ROS1: variants seen among roughly 807,000 people sequenced by gnomAD.
ROS1 encodes proto-oncogene tyrosine-protein kinase ROS.
Under a neutral mutation model 273.5 loss-of-function variants are expected in ROS1, and 263 were observed. That is an observed-to-expected ratio of 0.96 (90% CI 0.87 to 1.06). The LOEUF is 1.06. Ranked by LOEUF, ROS1 falls within the 50% of genes least tolerant of loss-of-function variation. The probability of loss-of-function intolerance (pLI) is 0.00; values close to 1 mark genes in which losing one functional copy is unlikely to be tolerated. For synonymous variants in ROS1, 1,008 were observed against 954.1 expected (o/e 1.06, Z -1.04); for missense variants, 2,833 against 2,751.1 (o/e 1.03, Z -0.67).
intron 42 of ROS1, among the ~76,000 whole-genome samples, chr6:117,307,009 A>C (rs537840458): frequency 6.6e-6 from 1 of 152,324 alleles, no homozygotes; most frequent in East Asian, 1.9e-4. Flanking sequence ...TTTTATTAAA[A>C]CAATGGCAAT....
chr6:117,394,511 G>T, intron 10 of ROS1, 105 bp downstream of exon 10: 1 of 949,424 alleles, frequency 1.1e-6, no homozygotes, highest in Non-Finnish European at 1.4e-6. Flanking sequence ...AGGATATTAA[G>T]AGAATATGTT....
At chr6:117,350,539 G>A (rs1778744883) in intron 27 of ROS1, among the ~76,000 whole-genome samples, 1 of 151,680 alleles carries the variant, frequency 6.6e-6, no homozygotes, top group Non-Finnish European at 1.5e-5. Flanking sequence ...TTAATTTGGG[G>A]AAATTATCAG....
intron 25 of ROS1, among the ~76,000 whole-genome samples, chr6:117,357,200 T>C (rs1779393487): frequency 6.6e-6 from 1 of 152,218 alleles, no homozygotes; most frequent in African/African-American, 2.4e-5. Flanking sequence ...ATAACTGAAA[T>C]ATAAAATATA....
At chr6:117,389,894 A>T in intron 12 of ROS1, 48 bp from the exon 13 acceptor site, 1 of 1,522,634 alleles carries the variant, frequency 6.6e-7, no homozygotes, top group Non-Finnish European at 8.9e-7. Context: ...CCAAAGGTTG[A>T]TGAGTAACCT....
intron 17 of ROS1, among the ~76,000 whole-genome samples, chr6:117,381,615 A>G (rs1025428839): frequency 1.3e-5 from 2 of 152,026 alleles, no homozygotes; most frequent in African/African-American, 4.8e-5. Context: ...GTGTATTTAT[A>G]CCACATTTTC....
chr6:117,318,226 C>G lies in ROS1; in HGVS notation c.5949G>C (p.Gln1983His), dbSNP rs139620900. ...CCTCCTTCAGGAATTCAATCTTCTC[C>G]TGGTCTGTGGAACCCTTCTTCAAAG... ...VKTLKKGSTDQEKIEFLKEAH... is the reference protein window; with the variant it reads ...VKTLKKGSTDHEKIEFLKEAH... Residue 1983 changes from glutamine to histidine, a missense_variant, in exon 38 of 44, where the codon CAG (glutamine) becomes CAC (histidine). Coordinates refer to ENST00000368507, the MANE Select transcript of ROS1 (RefSeq NM_001378902.1). 1 of 1,612,944 alleles carries G rather than the reference C, an allele frequency of 6.2e-7. No individual in the cohort carries two copies. The highest frequency in any genetic ancestry group is 1.7e-5 in the Admixed American group (1 of 59,894).
At chr6:117,404,471 A>T (rs1325486442) in intron 5 of ROS1, 43 bp from the exon 6 acceptor site, 1 of 1,596,496 alleles carries the variant, frequency 6.3e-7, no homozygotes, top group East Asian at 2.2e-5. Flanking sequence ...ACTCCTGTCC[A>T]TCAGCGCAAG....
intron 33 of ROS1, chr6:117,328,613 A>C: frequency 2.2e-6 from 1 of 458,546 alleles, no homozygotes; most frequent in Non-Finnish European, 4.3e-6. Context: ...TAATTATGGA[A>C]GTGACTTTTG....
intron 38 of ROS1, among the ~76,000 whole-genome samples, chr6:117,317,983 C>T (rs1776035005): frequency 6.6e-6 from 1 of 152,030 alleles, no homozygotes; most frequent in Admixed American, 6.6e-5. Flanking sequence ...GAAAGGAGAA[C>T]CTTTTGTCTG....
chr6:117,328,536 T>C (rs746290050), intron 33 of ROS1: 1 of 395,718 alleles, frequency 2.5e-6, no homozygotes, highest in East Asian at 4.1e-5. Flanking sequence ...GAACATTTTT[T>C]AAGGTTATGG....
chr6:117,352,309 ATTATGACTGTCAG>A (rs746364501), intron 27 of ROS1, among the ~76,000 whole-genome samples: 10 of 152,264 alleles, frequency 6.6e-5, no homozygotes, highest in Non-Finnish European at 1.0e-4. Context: ...ACAATGTTTT[ATTATGACTGTCAG>A]TAGAAAATAT....
At chr6:117,415,543 C>T (rs1238607254) in intron 3 of ROS1, among the ~76,000 whole-genome samples, 3 of 152,154 alleles carry the variant, frequency 2.0e-5, no homozygotes, top group African/African-American at 7.2e-5. Context: ...TACAACACGA[C>T]AGGCTCTATC....
chr6:117,408,415 G>A (rs542792563), intron 5 of ROS1, among the ~76,000 whole-genome samples: 2 of 152,192 alleles, frequency 1.3e-5, no homozygotes, highest in South Asian at 2.1e-4. Flanking sequence ...ATACGAACAG[G>A]CACTTCTCCA....
At chr6:117,372,838 G>C (rs1443152805) in intron 18 of ROS1, among the ~76,000 whole-genome samples, 1 of 152,190 alleles carries the variant, frequency 6.6e-6, no homozygotes, top group Non-Finnish European at 1.5e-5. Flanking sequence ...CTGTGGAAAA[G>C]GATCCATTCG....
chr6:117,323,651 A>G (rs1160080441), intron 35 of ROS1, among the ~76,000 whole-genome samples: 2 of 152,172 alleles, frequency 1.3e-5, no homozygotes, highest in Non-Finnish European at 2.9e-5. Context: ...GATAACTCTA[A>G]AAGTCCAATC....
intron 39 of ROS1, among the ~76,000 whole-genome samples, chr6:117,313,679 C>T (rs377652272): frequency 3.3e-5 from 5 of 152,028 alleles, no homozygotes; most frequent in Admixed American, 6.6e-5. Flanking sequence ...CTAAGCTTTC[C>T]GGGCCTAGCT....
intron 7 of ROS1, among the ~76,000 whole-genome samples, chr6:117,398,261 G>T (rs577098049): frequency 6.7e-6 from 1 of 148,558 alleles, no homozygotes; most frequent in African/African-American, 2.6e-5. Flanking sequence ...TCATTGTCCA[G>T]GTCTTCCCCA....
chr6:117,393,391 A>G (rs1773228520), intron 11 of ROS1, 70 bp from the exon 12 acceptor site: 1 of 948,618 alleles, frequency 1.1e-6, no homozygotes. Flanking sequence ...GCCAACAAGT[A>G]TCCCTGAGTA....
intron 42 of ROS1, among the ~76,000 whole-genome samples, chr6:117,307,955 T>A (rs1185893700): frequency 6.6e-6 from 1 of 152,186 alleles, no homozygotes; most frequent in East Asian, 1.9e-4. Context: ...TGTCTTTTCA[T>A]TCAAAACACA....
Sources: gnomAD v4.1 joint callset for allele counts (sites outside exome capture counted in the v4.1 genomes callset) on GRCh38, gnomAD v4.1.1 for gene constraint, MANE v1.5 for transcripts, NCBI Gene and HGNC (gene_info 2026-07-23, HGNC 2026-07-21) for gene names.